The following NPAS3 variants were observed in gnomAD, a reference collection of about 807,000 sequenced individuals.
The protein encoded by NPAS3 is neuronal PAS domain-containing protein 3.
In NPAS3, 14 loss-of-function variants were observed where a neutral mutation model predicts 73.1. The observed-to-expected ratio is 0.19, with a 90% CI of 0.13 to 0.30. The LOEUF (loss-of-function observed/expected upper bound fraction) is 0.30, where lower values mean the gene tolerates loss of function less well. Ranked by LOEUF, NPAS3 falls within the 10% of genes least tolerant of loss-of-function variation. The probability of loss-of-function intolerance (pLI) is 1.00; values close to 1 mark genes in which losing one functional copy is unlikely to be tolerated. For missense variants in NPAS3, 1,096 were observed against 1,250.0 expected (o/e 0.88, Z 1.86); for synonymous variants, 620 against 541.5 (o/e 1.14, Z -2.01).
chr14:33,016,758 C>T (rs1352836848), intron 1 of NPAS3, among the ~76,000 whole-genome samples: 1 of 152,154 alleles, frequency 6.6e-6, no homozygotes, highest in Middle Eastern at 3.4e-3. Context: ...ACTCCCCTTG[C>T]GGCCTTCTGC....
intron 6 of NPAS3, among the ~76,000 whole-genome samples, chr14:33,716,423 A>G (rs2060958921): frequency 6.6e-6 from 1 of 152,012 alleles, no homozygotes. Flanking sequence ...TCTCATTAGT[A>G]TGTCATGTTT....
intron 2 of NPAS3, among the ~76,000 whole-genome samples, chr14:33,165,848 A>G (rs1169381025): frequency 6.6e-6 from 1 of 152,184 alleles, no homozygotes; most frequent in African/African-American, 2.4e-5. Flanking sequence ...ATAGGAATCC[A>G]TATTCGGGGG....
intron 4 of NPAS3, among the ~76,000 whole-genome samples, chr14:33,553,848 C>T (rs999223451): frequency 1.3e-5 from 2 of 152,182 alleles, no homozygotes; most frequent in Non-Finnish European, 2.9e-5. Flanking sequence ...TAAACAGACA[C>T]ATGTGGGCAC....
chr14:33,486,952 T>C (rs1430282235), intron 4 of NPAS3, among the ~76,000 whole-genome samples: 1 of 152,228 alleles, frequency 6.6e-6, no homozygotes, highest in African/African-American at 2.4e-5. Context: ...GGTTTGTTTA[T>C]GCTCTCAGAA....
intron 9 of NPAS3, among the ~76,000 whole-genome samples, chr14:33,782,827 A>G (rs1595604847): frequency 1.3e-5 from 2 of 152,232 alleles, no homozygotes; most frequent in East Asian, 1.9e-4. Context: ...TTTTTTTAAA[A>G]AAAAGAAAAA....
rs1035631173 is a variant in NPAS3 at position 32,955,095 on chromosome 14, C to G, written c.50+15729C>G. Among the ~76,000 whole-genome samples, 16 of 152,222 alleles carry G rather than the reference C, an allele frequency of 1.1e-4. No homozygotes were observed. In the East Asian group the frequency reaches 2.1e-3, roughly 20 times the overall value. ...TACCATAAGTTGTTATTGTAGCTCA[C>G]TTAAAAGGCTTGGTCAAAAGAACCT... On this transcript the variant is annotated intron_variant, in intron 1 of 11. Transcript: ENST00000356141.
At chr14:33,782,823 T>TAAAAAAAAAAAAAAAAA (rs199704146) in intron 9 of NPAS3, among the ~76,000 whole-genome samples, 9 of 148,690 alleles carry the variant, frequency 6.1e-5, no homozygotes, top group South Asian at 2.1e-4. Context: ...TGTTTTTTTT[T>TAAAAAAAAAAAAAAAAA]AAAAAAAAGA....
chr14:33,644,809 G>A (rs184764504), intron 5 of NPAS3, among the ~76,000 whole-genome samples: 146 of 152,286 alleles, frequency 9.6e-4, no homozygotes, highest in African/African-American at 3.3e-3. Context: ...GAGGCCGGAT[G>A]TGGTGGCTCA....
chr14:32,937,131 G>A (rs145066691), upstream of NPAS3, among the ~76,000 whole-genome samples: 1 of 152,122 alleles, frequency 6.6e-6, no homozygotes, highest in African/African-American at 2.4e-5. Flanking sequence ...AGAGTGAGCC[G>A]TGTAGGTCAA....
At chr14:32,948,414 T>C (rs1213736246) in intron 1 of NPAS3, among the ~76,000 whole-genome samples, 2 of 152,290 alleles carry the variant, frequency 1.3e-5, no homozygotes, top group African/African-American at 2.4e-5. Context: ...TATTATGTAG[T>C]ATGTAGCAGA....
intron 1 of NPAS3, among the ~76,000 whole-genome samples, chr14:32,994,187 A>G (rs1056241733): frequency 6.6e-6 from 1 of 152,218 alleles, no homozygotes; most frequent in Non-Finnish European, 1.5e-5. Flanking sequence ...GAAATACTAT[A>G]TTATAAATTC....
intron 7 of NPAS3, among the ~76,000 whole-genome samples, chr14:33,771,118 A>G (rs1448324886): frequency 6.6e-6 from 1 of 152,216 alleles, no homozygotes; most frequent in Non-Finnish European, 1.5e-5. Context: ...CAACTATAAA[A>G]TGAAAAATTC....
At chr14:33,218,525 G>A (rs12432716) in intron 3 of NPAS3, among the ~76,000 whole-genome samples, 33,082 of 151,966 alleles carry the variant, frequency 0.22, 3,981 homozygotes, top group South Asian at 0.38. Context: ...ACGTTCATAC[G>A]GATAAACAAG....
intron 1 of NPAS3, among the ~76,000 whole-genome samples, chr14:32,975,915 A>C (rs2037656060): frequency 6.7e-6 from 1 of 148,232 alleles, no homozygotes; most frequent in African/African-American, 2.5e-5. Context: ...GAGAGTTTGC[A>C]GACACGCATG....
intron 4 of NPAS3, among the ~76,000 whole-genome samples, chr14:33,523,109 C>T (rs1267752126): frequency 6.6e-6 from 1 of 151,982 alleles, no homozygotes; most frequent in African/African-American, 2.4e-5. Context: ...GAATTATAAT[C>T]CAGTAGAAGA....
chr14:33,076,410 A>C (rs2041659925), intron 2 of NPAS3, among the ~76,000 whole-genome samples: 1 of 152,214 alleles, frequency 6.6e-6, no homozygotes, highest in Admixed American at 6.5e-5. Flanking sequence ...ATCATTTATT[A>C]GGTTATTTTA....
intron 3 of NPAS3, among the ~76,000 whole-genome samples, chr14:33,302,021 G>T (rs753420503): frequency 5.9e-5 from 9 of 152,266 alleles, no homozygotes; most frequent in Admixed American, 1.3e-4. Context: ...TTCCCCTCCG[G>T]AGGGGTGGCT....
chr14:33,207,521 C>T (rs1594395114), intron 2 of NPAS3, among the ~76,000 whole-genome samples: 1 of 152,124 alleles, frequency 6.6e-6, no homozygotes, highest in Non-Finnish European at 1.5e-5. Flanking sequence ...TCAGGACATT[C>T]ATTTATCCTC....
At chr14:33,736,204 C>T (rs7161057) in intron 7 of NPAS3, among the ~76,000 whole-genome samples, 11,035 of 152,216 alleles carry the variant, frequency 0.072, 869 homozygotes, top group African/African-American at 0.2. Flanking sequence ...TTCTTTAAGG[C>T]GACTGCTGTG....
Sources: allele counts gnomAD v4.1 joint callset (sites outside exome capture counted in the v4.1 genomes callset), GRCh38; gene constraint gnomAD v4.1.1; transcripts MANE v1.5; gene names NCBI Gene and HGNC (gene_info 2026-07-23, HGNC 2026-07-21).